The following EFNA2 variants were observed in gnomAD, a reference collection of about 807,000 sequenced individuals.
EFNA2 encodes ephrin-A2.
In EFNA2, 18 loss-of-function variants were observed where a neutral mutation model predicts 19.7. The observed-to-expected ratio is 0.91, with a 90% CI of 0.63 to 1.35. The LOEUF is 1.35. Among genes scored for constraint, EFNA2 ranks in the 40% most tolerant of loss-of-function variants. The pLI, the probability that EFNA2 is intolerant of heterozygous loss-of-function variation, is 0.00. For synonymous variants in EFNA2, 187 were observed against 137.8 expected (o/e 1.36, Z -2.50); for missense variants, 303 against 296.0 (o/e 1.02, Z -0.17).
chr19:1,297,366 T>C lies in EFNA2; in HGVS notation c.455-1185T>C, dbSNP rs182043449. Among the ~76,000 whole-genome samples the C allele has an allele frequency of 6.6e-6, 1 of 152,316 alleles. No individual in the cohort carries two copies. Among genetic ancestry groups the C allele is most frequent in the African/African-American group, 2.4e-5 (1 of 41,556 alleles). On this transcript the variant is annotated intron_variant, in intron 2 of 3. Coordinates refer to ENST00000215368, the MANE Select transcript of EFNA2 (RefSeq NM_001405.4). The surrounding 1 kb of genome is among the most constrained non-coding windows in gnomAD (Gnocchi z 5.0). Reference sequence around the variant, plus strand: ...GTGTTTAAATTAAGTCCCCATAATATGAGAAAAATTACATTTTTCTTTCTG... The same window carrying C: ...GTGTTTAAATTAAGTCCCCATAATACGAGAAAAATTACATTTTTCTTTCTG...
intron 3 of EFNA2, among the ~76,000 whole-genome samples, chr19:1,299,384 C>G (rs908014122): frequency 1.3e-5 from 2 of 151,984 alleles, no homozygotes; most frequent in Admixed American, 6.6e-5. Context: ...TGGTGAAACC[C>G]CGTCTCTGCT....
intron 1 of EFNA2, among the ~76,000 whole-genome samples, chr19:1,289,769 G>A (rs940699403): frequency 1.7e-4 from 26 of 152,176 alleles, no homozygotes; most frequent in Admixed American, 6.5e-5. Context: ...CTCACTCCCC[G>A]AGGGAGGAGC....
intron 1 of EFNA2, among the ~76,000 whole-genome samples, chr19:1,290,450 C>T (rs916307154): frequency 3.9e-5 from 6 of 152,182 alleles, no homozygotes; most frequent in Admixed American, 6.5e-5. Flanking sequence ...TTTGACCTTC[C>T]CCCGTCTCTG....
In EFNA2 at chr19:1,287,461, G is replaced by GC. The variant is rs1600054031; in HGVS notation, c.140+1156dup. Among the ~76,000 whole-genome samples, 1 of 152,006 alleles carries GC rather than the reference G, an allele frequency of 6.6e-6. No homozygotes were observed. The highest frequency in any genetic ancestry group is 1.5e-5 in the Non-Finnish European group (1 of 67,968). On this transcript the variant is annotated intron_variant, in intron 1 of 3. Transcript: ENST00000215368. The surrounding 1 kb of genome is among the most constrained non-coding windows in gnomAD (Gnocchi z 6.2). Reference sequence around the variant, plus strand: ...TGTGCCGACCGAGCCGCCCTCTGGAGCCCGCCACCCCTCCTTGTCCCCTCT... The same window carrying GC: ...TGTGCCGACCGAGCCGCCCTCTGGAGCCCCGCCACCCCTCCTTGTCCCCTCT...
rs909846619 is a variant in EFNA2, at chr19:1,296,711, G to A, written c.454+853G>A. Among the ~76,000 whole-genome samples, 7 of 152,188 alleles carry A rather than the reference G, an allele frequency of 4.6e-5. No homozygotes were observed. The highest frequency in any genetic ancestry group is 2.4e-5 in the African/African-American group (1 of 41,440). On this transcript the variant is annotated intron_variant, in intron 2 of 3. Coordinates refer to ENST00000215368, the MANE Select transcript of EFNA2 (RefSeq NM_001405.4). This position sits in a 1 kb window ranked among gnomAD's most constrained non-coding sequence, Gnocchi z 4.4. ...CCAGCCGCACCCAGACTGGGTAGGG[G>A]TCTCCAGGTCCTCCCTGCCCCGCAC...
chr19:1,298,577 C>G lies in EFNA2; in HGVS notation c.481C>G (p.Arg161Gly), dbSNP rs769423282. 6.2e-7 allele frequency: 1 copy of G among 1,614,014 alleles called. No individual in the cohort carries two copies. Among genetic ancestry groups the G allele is most frequent in the Non-Finnish European group, 8.5e-7 (1 of 1,179,988 alleles). Reference sequence around the variant, plus strand: ...TGCCACGCCTCCCAATGCTGTGGACCGGCCCTGCCTGCGACTGAAGGTGTA... The same window carrying G: ...TGCCACGCCTCCCAATGCTGTGGACGGGCCCTGCCTGCGACTGAAGGTGTA... Reference protein sequence around the residue: ...ISATPPNAVDRPCLRLKVYVR... With the variant: ...ISATPPNAVDGPCLRLKVYVR... Residue 161 changes from arginine (R) to glycine (G), a missense_variant, in exon 3 of 4, where the codon CGG (arginine) becomes GGG (glycine). Physicochemically the swap from Arg to Gly is moderately radical, Grantham distance 125 (BLOSUM62 -2). Coordinates refer to ENST00000215368, the MANE Select transcript of EFNA2 (RefSeq NM_001405.4).
chr19:1,289,853 C>T (rs1002551513), intron 1 of EFNA2, among the ~76,000 whole-genome samples: 5 of 152,190 alleles, frequency 3.3e-5, no homozygotes, highest in African/African-American at 1.2e-4. Flanking sequence ...CTCGGCCTCT[C>T]GGGGAGCCGG....
intron 2 of EFNA2, 130 bp from the exon 3 acceptor site, chr19:1,298,419 TTA>T (rs34685801): frequency 0.079 from 61,508 of 773,930 alleles, 3,044 homozygotes; most frequent in Middle Eastern, 0.18. Flanking sequence ...TGATGTACGA[TTA>T]GGAGTTTTAA....
rs1249843765 is a variant in EFNA2, at chr19:1,287,822, C to T, written c.140+1514C>T. ...GTTTTTGGTTTCAGCTGCGGAATCT[C>T]CCGTCCCCAGCGTGGCCTGTCCTTT... On this transcript the variant is annotated intron_variant, in intron 1 of 3. Coordinates refer to ENST00000215368, the MANE Select transcript of EFNA2 (RefSeq NM_001405.4). This position sits in a 1 kb window ranked among gnomAD's most constrained non-coding sequence, Gnocchi z 6.2. Among the ~76,000 whole-genome samples, 2 of 152,266 alleles carry T rather than the reference C, an allele frequency of 1.3e-5. No homozygotes were observed. Among genetic ancestry groups the T allele is most frequent in the Non-Finnish European group, 2.9e-5 (2 of 68,038 alleles).
In EFNA2 at chr19:1,301,398, A is replaced by AT. The variant is rs201077758; in HGVS notation, c.*1460dup. On this transcript the variant is annotated 3_prime_UTR_variant, in exon 4 of 4. Transcript: ENST00000215368. ...CGTCACAATCAACTTTGGATTCTGTATTTTTTTATAATAAAATGAGCATAA... is the reference window on the plus strand; with the variant it reads ...CGTCACAATCAACTTTGGATTCTGTATTTTTTTTATAATAAAATGAGCATAA... Among the ~76,000 whole-genome samples, 1,138 of 151,670 alleles carry AT rather than the reference A, an allele frequency of 7.5e-3. 5 individuals are homozygous for AT. Among genetic ancestry groups the AT allele is most frequent in the Non-Finnish European group, 0.011 (755 of 67,910 alleles).
upstream of EFNA2, among the ~76,000 whole-genome samples, chr19:1,284,832 T>G (rs536962929): frequency 6.6e-6 from 1 of 152,340 alleles, no homozygotes; most frequent in East Asian, 1.9e-4. The surrounding 1 kb of genome is among the most constrained non-coding windows in gnomAD (Gnocchi z 5.3). Context: ...TGAATGACAC[T>G]AATTCAGAGA....
chr19:1,286,556 C>T lies in EFNA2; in HGVS notation c.140+248C>T, dbSNP rs2081466118. Among the ~76,000 whole-genome samples the T allele has an allele frequency of 5.3e-5, 8 of 152,204 alleles. 1 individual carries two copies. In the South Asian group the frequency reaches 1.2e-3, roughly 24 times the overall value. On this transcript the variant is annotated intron_variant, in intron 1 of 3. Transcript: ENST00000215368. The surrounding 1 kb of genome is among the most constrained non-coding windows in gnomAD (Gnocchi z 5.6). ...ACGGACTGTGGGGACTCGCGCCCCACATCCCCCAGAGCGCCGACGTCTCCT... is the reference window on the plus strand; with the variant it reads ...ACGGACTGTGGGGACTCGCGCCCCATATCCCCCAGAGCGCCGACGTCTCCT...
In EFNA2 at chr19:1,295,660, A is replaced by G; in HGVS notation, c.256A>G (p.Met86Val). The G allele has an allele frequency of 3.1e-6, 5 of 1,611,748 alleles. No homozygotes were observed. The highest frequency in any genetic ancestry group is 2.2e-5 in the East Asian group (1 of 44,814). Residue 86 changes from methionine to valine, a missense_variant, in exon 2 of 4, where the codon ATG becomes GTG. Physicochemically the swap from Met to Val is conservative, Grantham distance 21. Coordinates refer to ENST00000215368, the MANE Select transcript of EFNA2 (RefSeq NM_001405.4). The surrounding 1 kb of genome is among the most constrained non-coding windows in gnomAD (Gnocchi z 5.8). ...GGCGCCGCTGCCGCCGGCCGAGCGC[A>G]TGGAGCACTACGTGCTGTACATGGT... ...YGAPLPPAERMEHYVLYMVNG... is the reference protein window; with the variant it reads ...YGAPLPPAERVEHYVLYMVNG...
Position 1,295,478 on chromosome 19 carries a change from C to T in EFNA2, c.141-67C>T, listed in dbSNP as rs1568867401. ...CCTGTCCCCTGACCCTGGCCCTCCC[C>T]GCGCACCCCGACCCGTGCCCCGTTC... On this transcript the variant is annotated intron_variant, in intron 1 of 3. Transcript: ENST00000215368. The surrounding 1 kb of genome is among the most constrained non-coding windows in gnomAD (Gnocchi z 5.8). 5 of 1,433,846 alleles carry T rather than the reference C, an allele frequency of 3.5e-6. No homozygotes were observed. The highest frequency in any genetic ancestry group is 1.5e-5 in the African/African-American group (1 of 67,868). The allele number at this position is 1,433,846 out of a possible 1,614,324, so 88.8% of individuals were successfully genotyped here.
At position 1,301,126 on chromosome 19, in the gene EFNA2, AAG is replaced by A. The variant is rs1370483775; in HGVS notation, c.*1183_*1184del. Reference sequence around the variant, plus strand: ...AGGGAACCACTACCAAAAAAAAAAAAAGAAACTCCTCCCCGAAGACACTTTAA... The same window carrying A: ...AGGGAACCACTACCAAAAAAAAAAAAAAACTCCTCCCCGAAGACACTTTAA... On this transcript the variant is annotated 3_prime_UTR_variant, in exon 4 of 4. Transcript: ENST00000215368. Among the ~76,000 whole-genome samples the A allele has an allele frequency of 1.5e-5, 2 of 132,328 alleles. No individual in the cohort carries two copies. Among genetic ancestry groups the A allele is most frequent in the Non-Finnish European group, 1.6e-5 (1 of 62,174 alleles). 86.8% of individuals were successfully genotyped at this position (132,328 alleles called of 152,430 possible).
rs144546168 is a variant in EFNA2, at chr19:1,287,114, G to A, written c.140+806G>A. 6.6e-6 allele frequency among the ~76,000 whole-genome samples: 1 copy of A among 152,226 alleles called. No individual in the cohort carries two copies. The highest frequency in any genetic ancestry group is 1.5e-5 in the Non-Finnish European group (1 of 68,030). ...GGCCCCCTTGTTTTGAACCAGGTCC[G>A]GGCCAGGCACAACGTGGGGGACAGG... On this transcript the variant is annotated intron_variant, in intron 1 of 3. Transcript: ENST00000215368. The surrounding 1 kb of genome is among the most constrained non-coding windows in gnomAD (Gnocchi z 6.2).
intron 1 of EFNA2, among the ~76,000 whole-genome samples, chr19:1,291,078 A>C (rs1399136337): frequency 6.6e-6 from 1 of 152,164 alleles, no homozygotes; most frequent in African/African-American, 2.4e-5. Flanking sequence ...GACTCACCCA[A>C]GGCCACCCGG....
chr19:1,300,121 C>T lies in EFNA2; in HGVS notation c.*176C>T, dbSNP rs1450559862. 2 of 934,822 alleles carry T rather than the reference C, an allele frequency of 2.1e-6. No individual in the cohort carries two copies. Among genetic ancestry groups the T allele is most frequent in the African/African-American group, 1.7e-5 (1 of 57,178 alleles). 57.9% of individuals were successfully genotyped at this position (934,822 alleles called of 1,614,324 possible). A position where few individuals can be genotyped will look rare whatever the true frequency, so the allele number is the denominator to read the frequency against. On this transcript the variant is annotated 3_prime_UTR_variant, in exon 4 of 4. Transcript: ENST00000215368. ...CCATCCACCCGCCCCAGGACCAGCC[C>T]TCAGGGAGGGGAAACGGCCGAGAGC...
At position 1,286,196 on chromosome 19, in the gene EFNA2, C is replaced by G. The variant is rs963864160; in HGVS notation, c.28C>G (p.Pro10Ala). 107 of 1,048,354 alleles carry G rather than the reference C, an allele frequency of 1.0e-4. No individual in the cohort carries two copies. Among genetic ancestry groups the G allele is most frequent in the Non-Finnish European group, 1.2e-4 (107 of 868,464 alleles). The allele number at this position is 1,048,354 out of a possible 1,614,324, so 64.9% of individuals were successfully genotyped here. A position where few individuals can be genotyped will look rare whatever the true frequency, so the allele number is the denominator to read the frequency against. Reference protein sequence around the residue: MAPAQRPLLPLLLLLLPLPP... With the variant: MAPAQRPLLALLLLLLPLPP... ...GGCGCCCGCGCAGCGCCCGCTGCTC[C>G]CGCTGCTGCTCCTGCTGTTACCGCT... The change falls in exon 1 of 4, where the codon CCG (proline) becomes GCG (alanine). Residue 10 changes from proline (P) to alanine (A), a missense_variant. By Grantham distance (27) the Pro-to-Ala change is conservative (BLOSUM62 -1). Coordinates refer to ENST00000215368, the MANE Select transcript of EFNA2 (RefSeq NM_001405.4). This position sits in a 1 kb window ranked among gnomAD's most constrained non-coding sequence, Gnocchi z 5.6.
Sources: allele counts gnomAD v4.1 joint callset (sites outside exome capture counted in the v4.1 genomes callset), GRCh38; gene constraint gnomAD v4.1.1; non-coding constraint Gnocchi (gnomAD v3.1); transcripts MANE v1.5; gene names NCBI Gene and HGNC (gene_info 2026-07-23, HGNC 2026-07-21).